NRG1: variants seen among roughly 807,000 people sequenced by gnomAD.
NRG1 encodes the protein pro-neuregulin-1, membrane-bound isoform.
In NRG1, 18 loss-of-function variants were observed where a neutral mutation model predicts 63.8. The observed-to-expected ratio is 0.28, with a 90% CI of 0.19 to 0.42. NRG1 has a LOEUF of 0.42. NRG1 is among the 10% of genes least tolerant of loss of function. The probability of loss-of-function intolerance (pLI) is 1.00; values close to 1 mark genes in which losing one functional copy is unlikely to be tolerated. For synonymous variants in NRG1, 302 were observed against 301.3 expected, an observed-to-expected ratio of 1.00 and a Z score of -0.02; for missense variants, 762 against 814.7, an observed-to-expected ratio of 0.94 and a Z score of 0.79.
chr8:31,849,119 C>T (rs962430729), intron 1 of NRG1, among the ~76,000 whole-genome samples: 1 of 152,166 alleles, frequency 6.6e-6, no homozygotes, highest in African/African-American at 2.4e-5. Flanking sequence ...CAGTGATAAT[C>T]TATATGCCCA....
chr8:31,783,104 G>T (rs1246327983), intron 1 of NRG1, among the ~76,000 whole-genome samples: 1 of 152,116 alleles, frequency 6.6e-6, no homozygotes, highest in Non-Finnish European at 1.5e-5. Flanking sequence ...AGGTATAGGA[G>T]AATTTCTTTT....
chr8:32,200,881 C>T (rs991493022), intron 1 of NRG1, among the ~76,000 whole-genome samples: 2 of 152,106 alleles, frequency 1.3e-5, no homozygotes, highest in African/African-American at 4.8e-5. Flanking sequence ...TCTCCATTCT[C>T]GTGTGGGGAA....
intron 1 of NRG1, among the ~76,000 whole-genome samples, chr8:32,055,675 T>G (rs1203155116): frequency 6.8e-6 from 1 of 148,088 alleles, no homozygotes; most frequent in Non-Finnish European, 1.5e-5. Context: ...TTTGACACTT[T>G]TTTTTTTTTT....
At chr8:32,344,491 G>T (rs1466989794) in intron 1 of NRG1, among the ~76,000 whole-genome samples, 1 of 149,300 alleles carries the variant, frequency 6.7e-6, no homozygotes, top group African/African-American at 2.5e-5. Context: ...GAGTGCACTG[G>T]TACAATCTTG....
intron 6 of NRG1, among the ~76,000 whole-genome samples, chr8:32,732,303 C>T (rs1030599844): frequency 2.6e-5 from 4 of 152,220 alleles, no homozygotes; most frequent in African/African-American, 9.6e-5. Flanking sequence ...AGAAACAAGA[C>T]ACATGAAATC....
chr8:32,329,962 C>A (rs2129477470), intron 1 of NRG1, among the ~76,000 whole-genome samples: 2 of 146,754 alleles, frequency 1.4e-5, no homozygotes, highest in African/African-American at 2.5e-5. Context: ...CAGCCTGGAA[C>A]CCCTGACCAC....
intron 1 of NRG1, among the ~76,000 whole-genome samples, chr8:32,152,110 T>C (rs2131833997): frequency 6.6e-6 from 1 of 152,352 alleles, no homozygotes; most frequent in South Asian, 2.1e-4. Flanking sequence ...CAATCTTAAG[T>C]GTGCATGTAT....
intron 1 of NRG1, among the ~76,000 whole-genome samples, chr8:31,680,666 T>C (rs1309692165): frequency 6.6e-6 from 1 of 151,648 alleles, no homozygotes. Flanking sequence ...AGTAATGGGA[T>C]GGCTGGGTCA....
intron 1 of NRG1, among the ~76,000 whole-genome samples, chr8:31,893,314 G>A (rs1402557569): frequency 6.6e-6 from 1 of 151,132 alleles, no homozygotes; most frequent in Non-Finnish European, 1.5e-5. Context: ...TAGATTTTAA[G>A]GTTAAGTGGG....
exon 12 of NRG1, chr8:32,764,910 C>T (rs932322909): frequency 6.6e-6 from 1 of 152,446 alleles, no homozygotes; most frequent in Non-Finnish European, 1.5e-5. Context: ...CTCTGCCAGC[C>T]AAAGGTTTGC....
intron 1 of NRG1, among the ~76,000 whole-genome samples, chr8:31,867,218 G>A (rs1762561675): frequency 6.6e-6 from 1 of 152,110 alleles, no homozygotes. Context: ...CTTCCTTTCT[G>A]AATGTGGTAA....
At chr8:32,017,560 C>T (rs1360885584) in intron 1 of NRG1, among the ~76,000 whole-genome samples, 2 of 152,166 alleles carry the variant, frequency 1.3e-5, no homozygotes, top group African/African-American at 2.4e-5. Flanking sequence ...GTCACAGGCC[C>T]TGGGTTGTTT....
intron 1 of NRG1, among the ~76,000 whole-genome samples, chr8:32,375,664 TA>T: frequency 6.6e-6 from 1 of 152,214 alleles, no homozygotes; most frequent in African/African-American, 2.4e-5. Flanking sequence ...AAAAATCTTC[TA>T]AAACTCTTCC....
At chr8:31,763,171 C>T (rs965480991) in intron 1 of NRG1, among the ~76,000 whole-genome samples, 4 of 152,108 alleles carry the variant, frequency 2.6e-5, no homozygotes, top group Admixed American at 6.6e-5. Context: ...AGATATTTCT[C>T]ATTTGATAAA....
intron 5 of NRG1, among the ~76,000 whole-genome samples, chr8:32,708,816 T>C (rs1051344260): frequency 6.6e-6 from 1 of 152,156 alleles, no homozygotes; most frequent in African/African-American, 2.4e-5. Flanking sequence ...TCCTGCTCTA[T>C]TGCTTGTTAT....
chr8:32,447,021 T>TTATTTATTTATC (rs1711602516), intron 1 of NRG1, among the ~76,000 whole-genome samples: 1 of 151,372 alleles, frequency 6.6e-6, no homozygotes, highest in Non-Finnish European at 1.5e-5. Context: ...ATTTATTTAT[T>TTATTTATTTATC]TATTTATTTT....
chr8:32,280,449 T>C lies in NRG1; in HGVS notation c.38-315379T>C, dbSNP rs563545710. On this transcript the variant is annotated intron_variant, in intron 1 of 10. Coordinates refer to the NRG1 transcript ENST00000519301. ...AATTTGGTTCGATTTGAAAACATTA[T>C]GCTAAGTGAAATAAGCCACACACAA... is the stretch of plus-strand genomic sequence containing the variant. 1.6e-3 allele frequency among the ~76,000 whole-genome samples: 239 copies of C among 152,334 alleles called. 1 individual carries two copies. The highest frequency in any genetic ancestry group is 2.3e-3 in the Non-Finnish European group (159 of 68,028).
chr8:32,109,205 G>A (rs981292426), intron 1 of NRG1, among the ~76,000 whole-genome samples: 4 of 152,150 alleles, frequency 2.6e-5, no homozygotes, highest in Admixed American at 1.3e-4. Context: ...GAGCAGTGTG[G>A]TGGAACCCCA....
intron 1 of NRG1, among the ~76,000 whole-genome samples, chr8:31,976,662 G>GGTGTGTGTGTGTGTGTGTGT (rs55763806): frequency 6.6e-6 from 1 of 150,468 alleles, no homozygotes; most frequent in Non-Finnish European, 1.5e-5. Flanking sequence ...ATCTGCCATG[G>GGTGTGTGTGTGTGTGTGTGT]GTGTGTGTGT....
Sources: allele counts gnomAD v4.1 joint callset (sites outside exome capture counted in the v4.1 genomes callset), GRCh38; gene constraint gnomAD v4.1.1; transcripts MANE v1.5; gene names NCBI Gene and HGNC (gene_info 2026-07-23, HGNC 2026-07-21).